Variants in GARIN1B observed in about 807,000 individuals in gnomAD.
The protein encoded by GARIN1B is golgi associated RAB2 interactor 1B, also known as Golgi-associated RAB2 interactor protein 1B.
chr7:128,726,930 A>C, the GARIN1B span: 1 of 1,477,152 alleles, frequency 6.8e-7, no homozygotes, highest in Non-Finnish European at 9.4e-7. Flanking sequence ...ATATAAGAAT[A>C]AGATCCCCTC....
the GARIN1B span, among the ~76,000 whole-genome samples, chr7:128,714,668 T>C: frequency 6.6e-6 from 1 of 152,174 alleles, no homozygotes; most frequent in Non-Finnish European, 1.5e-5. Context: ...TGCTTGGTTC[T>C]TTCTTCCTGA....
chr7:128,730,752 T>A, the GARIN1B span, among the ~76,000 whole-genome samples: 2 of 152,056 alleles, frequency 1.3e-5, no homozygotes, highest in Non-Finnish European at 2.9e-5. Flanking sequence ...GTTCAAGTGA[T>A]CCTCCTGCCT....
the GARIN1B span, chr7:128,719,150 G>C: frequency 1.3e-6 from 2 of 1,542,308 alleles, no homozygotes; most frequent in African/African-American, 1.4e-5. Context: ...AACCCAGCTG[G>C]TATGTGAGTG....
At chr7:128,726,251 G>A in the GARIN1B span, among the ~76,000 whole-genome samples, 2 of 152,222 alleles carry the variant, frequency 1.3e-5, no homozygotes, top group Non-Finnish European at 2.9e-5. Context: ...TAATTTGAAG[G>A]GAAGGAGAGA....
the GARIN1B span, chr7:128,718,734 G>C: frequency 1.2e-5 from 17 of 1,463,424 alleles, no homozygotes; most frequent in Non-Finnish European, 1.5e-5. Flanking sequence ...ACCTCCAAAA[G>C]CCTTAGTCCT....
At chr7:128,719,395 G>C in the GARIN1B span, among the ~76,000 whole-genome samples, 4 of 151,984 alleles carry the variant, frequency 2.6e-5, no homozygotes, top group East Asian at 7.7e-4. Flanking sequence ...AGATTGTATA[G>C]AGTCGTGTAA....
chr7:128,731,281 G>A, the GARIN1B span: 57 of 729,982 alleles, frequency 7.8e-5, no homozygotes, highest in Middle Eastern at 2.3e-4. Context: ...ACATAACCAC[G>A]TCCTCGCCAC....
At chr7:128,714,150 C>T in the GARIN1B span, 1 of 1,535,460 alleles carries the variant, frequency 6.5e-7, no homozygotes. Context: ...CCTCCAGGCC[C>T]TTTAGGCTTC....
the GARIN1B span, among the ~76,000 whole-genome samples, chr7:128,710,866 C>A: frequency 0.019 from 2,927 of 152,128 alleles, 45 homozygotes; most frequent in South Asian, 0.053. Flanking sequence ...CCATGTTGGT[C>A]AGGCTGGTCT....
the GARIN1B span, among the ~76,000 whole-genome samples, chr7:128,716,583 T>TGTC: frequency 2.6e-5 from 4 of 152,322 alleles, no homozygotes; most frequent in East Asian, 7.7e-4. Flanking sequence ...CATTTGACGA[T>TGTC]GTCTGGAGAC....
At chr7:128,723,078 T>C in the GARIN1B span, 5 of 1,215,854 alleles carry the variant, frequency 4.1e-6, no homozygotes, top group Non-Finnish European at 4.4e-6. Context: ...GAGCAGCTGG[T>C]GTGGCTGCAC....
the GARIN1B span, chr7:128,717,097 A>ACTGCTGATGACATC: frequency 9.1e-7 from 1 of 1,098,086 alleles, no homozygotes; most frequent in Non-Finnish European, 1.3e-6. Flanking sequence ...TAGAGATGTC[A>ACTGCTGATGACATC]TCAGCAGTGA....
the GARIN1B span, chr7:128,726,758 T>A: frequency 6.4e-7 from 1 of 1,564,512 alleles, no homozygotes; most frequent in Non-Finnish European, 8.8e-7. Flanking sequence ...GAACAAGATC[T>A]GAAATACAAA....
the GARIN1B span, among the ~76,000 whole-genome samples, chr7:128,712,825 T>C: frequency 6.6e-6 from 1 of 152,254 alleles, no homozygotes; most frequent in Non-Finnish European, 1.5e-5. Flanking sequence ...TTGTAATTTC[T>C]ACAGTCCTAA....
the GARIN1B span, chr7:128,717,054 G>A: frequency 6.8e-7 from 1 of 1,478,118 alleles, no homozygotes; most frequent in East Asian, 2.4e-5. Context: ...ATGCAAAGTG[G>A]AGGTTGCTTG....
At chr7:128,718,043 C>G in the GARIN1B span, among the ~76,000 whole-genome samples, 2 of 152,182 alleles carry the variant, frequency 1.3e-5, no homozygotes, top group African/African-American at 4.8e-5. Flanking sequence ...AAAGCCAGAT[C>G]CTTGAACTTT....
At chr7:128,709,750 C>CTCTCTCTGTCTT in the GARIN1B span, among the ~76,000 whole-genome samples, 3 of 114,618 alleles carry the variant, frequency 2.6e-5, no homozygotes, top group East Asian at 4.4e-4. Context: ...CTCTCTCTCT[C>CTCTCTCTGTCTT]TTTTTTTTTT....
At chr7:128,726,140 A>G in the GARIN1B span, among the ~76,000 whole-genome samples, 1 of 152,266 alleles carries the variant, frequency 6.6e-6, no homozygotes, top group African/African-American at 2.4e-5. Flanking sequence ...GAAGATATTT[A>G]GACTTCCAGT....
the GARIN1B span, among the ~76,000 whole-genome samples, chr7:128,727,289 G>A: frequency 6.6e-6 from 1 of 152,226 alleles, no homozygotes; most frequent in South Asian, 2.1e-4. Context: ...GGTGGTGTCA[G>A]ATGGGAAAAT....
Sources: gnomAD v4.1 joint callset for allele counts (sites outside exome capture counted in the v4.1 genomes callset) on GRCh38, gnomAD v4.1.1 for gene constraint, MANE v1.5 for transcripts, NCBI Gene and HGNC (gene_info 2026-07-23, HGNC 2026-07-21) for gene names.